Variants in PTPRD observed in about 807,000 individuals in gnomAD.
PTPRD encodes protein tyrosine phosphatase receptor type D.
Under a neutral mutation model 214.5 loss-of-function variants are expected in PTPRD, and 34 were observed. The ratio of observed to expected loss-of-function variants is 0.16; its 90% CI spans 0.12 to 0.21. The LOEUF (loss-of-function observed/expected upper bound fraction) is 0.21, where lower values mean the gene tolerates loss of function less well. Ranked by LOEUF, PTPRD falls within the 10% of genes least tolerant of loss-of-function variation. The pLI is 1.00. For synonymous variants in PTPRD, 1,128 were observed against 845.7 expected (o/e 1.33, Z -5.79); for missense variants, 2,545 against 2,398.7 (o/e 1.06, Z -1.27).
At chr9:9,777,789 A>G (rs1162552786) in intron 5 of PTPRD, among the ~76,000 whole-genome samples, 1 of 152,200 alleles carries the variant, frequency 6.6e-6, no homozygotes, top group Non-Finnish European at 1.5e-5. Context: ...TTTTTTTTGT[A>G]AAATGCATTA....
At chr9:8,924,236 C>CA (rs1555528579) in intron 11 of PTPRD, among the ~76,000 whole-genome samples, 9 of 151,730 alleles carry the variant, frequency 5.9e-5, no homozygotes, top group African/African-American at 1.5e-4. Flanking sequence ...AGTATCAACC[C>CA]AAAATTTTTA....
chr9:8,345,448 C>T (rs867432915), intron 39 of PTPRD, among the ~76,000 whole-genome samples: 6 of 152,018 alleles, frequency 3.9e-5, no homozygotes, highest in Non-Finnish European at 7.4e-5. Flanking sequence ...TCCTGTAGAG[C>T]GCTCGTCTGT....
intron 7 of PTPRD, among the ~76,000 whole-genome samples, chr9:9,631,155 C>A (rs1170933100): frequency 6.7e-6 from 1 of 149,664 alleles, no homozygotes; most frequent in Non-Finnish European, 1.5e-5. Context: ...GGTCCTTAGA[C>A]AAGCAGCTGT....
intron 9 of PTPRD, among the ~76,000 whole-genome samples, chr9:9,338,145 T>C (rs1176767658): frequency 2.0e-5 from 3 of 152,192 alleles, no homozygotes; most frequent in Admixed American, 2.0e-4. Flanking sequence ...AATTTCGTGT[T>C]TATTTATTGT....
At chr9:9,759,742 A>G (rs140373049) in intron 6 of PTPRD, among the ~76,000 whole-genome samples, 1 of 151,972 alleles carries the variant, frequency 6.6e-6, no homozygotes, top group African/African-American at 2.4e-5. Flanking sequence ...TATTTTTAGT[A>G]GAGACGGGGT....
chr9:10,378,001 G>T (rs1042589288), intron 2 of PTPRD, among the ~76,000 whole-genome samples: 5 of 152,000 alleles, frequency 3.3e-5, no homozygotes, highest in African/African-American at 1.2e-4. Context: ...CTCCATAGTG[G>T]TCGTATTAAT....
At chr9:9,499,111 CAAT>C (rs2096306900) in intron 8 of PTPRD, among the ~76,000 whole-genome samples, 1 of 151,974 alleles carries the variant, frequency 6.6e-6, no homozygotes, top group African/African-American at 2.4e-5. Context: ...AGTAAATCAA[CAAT>C]GAGCATAGAT....
chr9:8,689,206 T>C (rs1200692871), intron 12 of PTPRD, among the ~76,000 whole-genome samples: 1 of 152,122 alleles, frequency 6.6e-6, no homozygotes, highest in East Asian at 1.9e-4. Flanking sequence ...ACCAATATCA[T>C]TATTAAAAAA....
At position 8,585,441 on chromosome 9, in the gene PTPRD, C is replaced by T. The variant is rs371919751; in HGVS notation, c.352+47876G>A. ...TGTTTTTAAGCCACTTTGAGATTTT[C>T]GCTATGGACTGGAAAGTCTGGGATA... On this transcript the variant is annotated intron_variant, in intron 14 of 45. Transcript: ENST00000381196. Among the ~76,000 whole-genome samples, 156 of 152,238 alleles carry T rather than the reference C, an allele frequency of 1.0e-3. 1 individual carries two copies. The South Asian group carries it at 0.025, about 24-fold the overall frequency.
At chr9:10,192,066 T>C (rs2099366045) in intron 3 of PTPRD, among the ~76,000 whole-genome samples, 1 of 152,180 alleles carries the variant, frequency 6.6e-6, no homozygotes, top group Non-Finnish European at 1.5e-5. Flanking sequence ...AGTAGGACCT[T>C]AGCCAAGGCC....
intron 3 of PTPRD, among the ~76,000 whole-genome samples, chr9:10,330,016 A>G (rs1324048342): frequency 6.6e-6 from 1 of 151,866 alleles, no homozygotes; most frequent in Non-Finnish European, 1.5e-5. Context: ...GTTGGACTCT[A>G]GTAGACATCT....
chr9:9,091,582 C>T (rs1230606699), intron 10 of PTPRD, among the ~76,000 whole-genome samples: 1 of 152,150 alleles, frequency 6.6e-6, no homozygotes, highest in Non-Finnish European at 1.5e-5. Flanking sequence ...TAAGCCTATT[C>T]AGCACTTTGG....
chr9:8,428,221 G>C (rs980783390), intron 35 of PTPRD, among the ~76,000 whole-genome samples: 9 of 152,064 alleles, frequency 5.9e-5, no homozygotes, highest in Non-Finnish European at 1.3e-4. Context: ...GAGAGGTTTG[G>C]ACCCAATCTG....
At chr9:9,300,621 A>C (rs1954906014) in intron 9 of PTPRD, among the ~76,000 whole-genome samples, 2 of 151,750 alleles carry the variant, frequency 1.3e-5, no homozygotes, top group Admixed American at 1.3e-4. Context: ...TCCTTATAAA[A>C]GGGACATCAG....
intron 10 of PTPRD, among the ~76,000 whole-genome samples, chr9:9,068,089 AC>A (rs2099737786): frequency 6.6e-6 from 1 of 152,004 alleles, no homozygotes; most frequent in Non-Finnish European, 1.5e-5. Context: ...TTAATATTTA[AC>A]CTTTTTTAGA....
intron 9 of PTPRD, among the ~76,000 whole-genome samples, chr9:9,269,770 C>A (rs555928456): frequency 6.6e-6 from 1 of 151,312 alleles, no homozygotes; most frequent in South Asian, 2.1e-4. Flanking sequence ...AAGAAAAATA[C>A]TGCATGATTC....
chr9:8,735,910 CAAAAAA>C (rs34573821), intron 11 of PTPRD, among the ~76,000 whole-genome samples: 2 of 130,988 alleles, frequency 1.5e-5, no homozygotes, highest in Admixed American at 8.0e-5. Context: ...GACTTCGTCT[CAAAAAA>C]AAAAAAAAAA....
intron 33 of PTPRD, chr9:8,451,870 C>G (rs1001032921): frequency 6.0e-6 from 3 of 498,250 alleles, no homozygotes; most frequent in Non-Finnish European, 1.2e-5. Context: ...AAATATCTAT[C>G]TGGGCAAGAA....
intron 2 of PTPRD, among the ~76,000 whole-genome samples, chr9:10,354,206 G>A (rs2097230611): frequency 6.6e-6 from 1 of 151,992 alleles, no homozygotes. Context: ...TAATACAACT[G>A]GGATCATCCA....
Sources: gnomAD v4.1 joint callset for allele counts (sites outside exome capture counted in the v4.1 genomes callset) on GRCh38, gnomAD v4.1.1 for gene constraint, MANE v1.5 for transcripts, NCBI Gene and HGNC (gene_info 2026-07-23, HGNC 2026-07-21) for gene names.